Variants in AKAP9 observed in about 807,000 individuals in gnomAD.
The protein encoded by AKAP9 is A-kinase anchor protein 9.
AKAP9 carries 311 observed loss-of-function variants against 488.5 expected under a neutral mutation model. The ratio of observed to expected loss-of-function variants is 0.64; its 90% CI spans 0.58 to 0.70. AKAP9 has a LOEUF of 0.70. Among genes scored for constraint, AKAP9 ranks in the 30% least tolerant of loss-of-function variants. The pLI is 0.00. For synonymous variants in AKAP9, 1,462 were observed against 1,483.5 expected, an observed-to-expected ratio of 0.99 and a Z score of 0.33; for missense variants, 4,215 against 4,374.5, an observed-to-expected ratio of 0.96 and a Z score of 1.03.
chr7:92,082,735 T>G, intron 32 of AKAP9, 73 bp downstream of exon 32: 1 of 1,515,320 alleles, frequency 6.6e-7, no homozygotes, highest in Non-Finnish European at 9.1e-7. Flanking sequence ...TATATACTCT[T>G]TTATAACAAA....
Position 92,084,637 on chromosome 7 carries a change from T to C in AKAP9, c.8647-3T>C. 6.2e-7 allele frequency: 1 copy of C among 1,603,962 alleles called. No individual in the cohort carries two copies. The highest frequency in any genetic ancestry group is 8.5e-7 in the Non-Finnish European group (1 of 1,171,806). ...ATATGTACTTTTTGTTTTCTCTAAT[T>C]AGGGATCCTCAATTCCTGAGCTAGC... On this transcript the variant is annotated splice_polypyrimidine_tract_variant and splice_region_variant and intron_variant, in intron 33 of 49. Coordinates refer to ENST00000356239, the MANE Select transcript of AKAP9 (RefSeq NM_005751.5).
chr7:91,961,844 A>C (rs949647759), intron 1 of AKAP9, among the ~76,000 whole-genome samples: 1 of 147,672 alleles, frequency 6.8e-6, no homozygotes, highest in African/African-American at 2.5e-5. Context: ...ACTCCGTCTC[A>C]AAAAAAAAAA....
intron 12 of AKAP9, among the ~76,000 whole-genome samples, chr7:92,017,904 A>G (rs1801749209): frequency 6.6e-6 from 1 of 152,184 alleles, no homozygotes; most frequent in South Asian, 2.1e-4. Flanking sequence ...GATTTATATG[A>G]GTAGAATCTC....
intron 1 of AKAP9, among the ~76,000 whole-genome samples, chr7:91,961,605 G>C (rs1446469012): frequency 6.6e-6 from 1 of 152,008 alleles, no homozygotes; most frequent in Non-Finnish European, 1.5e-5. Flanking sequence ...AGCACTTTGG[G>C]AGGCCTAGGC....
intron 12 of AKAP9, among the ~76,000 whole-genome samples, chr7:92,018,949 T>G (rs2130721785): frequency 6.6e-6 from 1 of 152,242 alleles, no homozygotes; most frequent in East Asian, 1.9e-4. Flanking sequence ...CAGCTTCTCC[T>G]CTCATATCAG....
At chr7:91,995,869 G>T (rs1439912619) in intron 7 of AKAP9, 69 bp downstream of exon 7, 6 of 1,158,432 alleles carry the variant, frequency 5.2e-6, no homozygotes, top group Admixed American at 2.4e-5. Flanking sequence ...TATGCAAGTG[G>T]TTTTTTTTTG....
chr7:92,052,811 A>T lies in AKAP9; in HGVS notation c.5454A>T (p.Gly1818=). The change falls in exon 22 of 50, where the codon GGA becomes GGT. Residue 1818 remains glycine, a synonymous_variant. Coordinates refer to ENST00000356239, the MANE Select transcript of AKAP9 (RefSeq NM_005751.5). ...TGTGGTCAAAAGTAACTGAGGAAGG[A>T]ACAGAGCTGTCACAACGACTTGTGA... ...INMWSKVTEE[G]TELSQRLVRS... The T allele has an allele frequency of 6.2e-7, 1 of 1,613,904 alleles. No individual in the cohort carries two copies. Among genetic ancestry groups the T allele is most frequent in the Non-Finnish European group, 8.5e-7 (1 of 1,179,872 alleles).
At chr7:91,979,799 A>G (rs1422993217) in intron 2 of AKAP9, among the ~76,000 whole-genome samples, 2 of 152,218 alleles carry the variant, frequency 1.3e-5, no homozygotes, top group Non-Finnish European at 2.9e-5. Context: ...GGGACGATTC[A>G]TGTCCTGGAT....
intron 1 of AKAP9, among the ~76,000 whole-genome samples, chr7:91,973,231 A>C (rs1329291807): frequency 1.3e-5 from 2 of 152,142 alleles, no homozygotes; most frequent in East Asian, 1.9e-4. Context: ...ACAAGAATTA[A>C]ATTAGCCAGG....
At chr7:91,985,037 T>C (rs1796888416) in intron 3 of AKAP9, among the ~76,000 whole-genome samples, 1 of 152,230 alleles carries the variant, frequency 6.6e-6, no homozygotes, top group Admixed American at 6.5e-5. Context: ...GTTTTCTAAA[T>C]ATACAATCAT....
At chr7:92,085,750 ATAAAT>A (rs1266507099) in intron 36 of AKAP9, 64 bp downstream of exon 36, 7 of 1,169,590 alleles carry the variant, frequency 6.0e-6, no homozygotes, top group Admixed American at 2.4e-5. Flanking sequence ...ATAATACATT[ATAAAT>A]TAAATTATCT....
At position 92,038,440 on chromosome 7, in the gene AKAP9, G is replaced by A. The variant is rs760328706; in HGVS notation, c.4360G>A (p.Ala1454Thr). Reference sequence around the variant, plus strand: ...TTAGGTTATTGTGTCAATGAGTATAGCATTTGCTCAACAAACTGAACTGTC... The same window carrying A: ...TTAGGTTATTGTGTCAATGAGTATAACATTTGCTCAACAAACTGAACTGTC... ...VAKVIVSMSI[A>T]FAQQTELSRI... Residue 1454 changes from alanine to threonine, a missense_variant, in exon 17 of 50, where the codon GCA (alanine) becomes ACA (threonine). This residue lies in a region of AKAP9 where 2,361 missense variants were observed against 2,430.0 expected (regional missense o/e 0.97). Transcript: ENST00000356239. 1.1e-5 allele frequency: 17 copies of A among 1,613,140 alleles called. No individual in the cohort carries two copies. The highest frequency in any genetic ancestry group is 1.4e-5 in the Non-Finnish European group (17 of 1,179,324).
intron 2 of AKAP9, 57 bp downstream of exon 2, chr7:91,974,025 C>G: frequency 6.3e-7 from 1 of 1,595,238 alleles, no homozygotes; most frequent in Non-Finnish European, 8.6e-7. Context: ...GTAGTCATAA[C>G]AACAGTCATT....
intron 2 of AKAP9, among the ~76,000 whole-genome samples, chr7:91,976,170 A>G (rs1272675643): frequency 6.6e-6 from 1 of 151,290 alleles, no homozygotes; most frequent in African/African-American, 2.4e-5. Flanking sequence ...TGATACGTCC[A>G]CCTCAGCCTC....
chr7:92,010,855 G>C (rs977015895), intron 8 of AKAP9, among the ~76,000 whole-genome samples: 122 of 152,110 alleles, frequency 8.0e-4, no homozygotes, highest in African/African-American at 2.9e-3. Context: ...GGGTCTTTCT[G>C]TTGCCCAGGC....
In AKAP9 at chr7:92,082,621, A is replaced by C; in HGVS notation, c.8119A>C (p.Ser2707Arg). 1 of 1,614,064 alleles carries C rather than the reference A, an allele frequency of 6.2e-7. No individual in the cohort carries two copies. The highest frequency in any genetic ancestry group is 1.1e-5 in the South Asian group (1 of 91,084). ...AGTGGCTACCAAAGCAGAACTTGCC[A>C]GTTATAAAGAAAAGGCTGAAAAACT... ...ESVATKAELA[S>R]YKEKAEKLQE... The change falls in exon 32 of 50, where the codon AGT (serine) becomes CGT (arginine). Residue 2707 changes from serine to arginine, a missense_variant. Ser to Arg is a moderately radical substitution (Grantham distance 110, BLOSUM62 -1). Transcript: ENST00000356239.
In AKAP9 at chr7:91,940,937, A is replaced by G; in HGVS notation, c.-163A>G. On this transcript the variant is annotated 5_prime_UTR_variant, in exon 1 of 50. Coordinates refer to ENST00000356239, the MANE Select transcript of AKAP9 (RefSeq NM_005751.5). Reference sequence around the variant, plus strand: ...CCCGTGCGGCTGAGGACGATCCGCCAGTGAGCGCGGAGACTGCTTCCACTT... The same window carrying G: ...CCCGTGCGGCTGAGGACGATCCGCCGGTGAGCGCGGAGACTGCTTCCACTT... 2.6e-6 allele frequency: 2 copies of G among 755,928 alleles called. No individual in the cohort carries two copies. The highest frequency in any genetic ancestry group is 4.7e-6 in the Non-Finnish European group (2 of 429,774). The allele number at this position is 755,928 out of a possible 1,614,324, so 46.8% of individuals were successfully genotyped here.
In AKAP9 at chr7:92,022,988, G is replaced by C. The variant is rs144372406; in HGVS notation, c.4127G>C (p.Ser1376Thr). 6.4e-4 allele frequency: 1,029 copies of C among 1,614,024 alleles called. 2 individuals are homozygous for C. Among genetic ancestry groups the C allele is most frequent in the Non-Finnish European group, 8.1e-4 (951 of 1,179,892 alleles). ...HCLQKRLQAV[S>T]ESTVPPSLPV... ...TTACAGAAGAGGCTTCAAGCTGTTA[G>C]TGAGTCCACGGTTCCGCCAAGGTAT... Residue 1376 changes from serine to threonine, a missense_variant, in exon 14 of 50, where the codon AGT (serine) becomes ACT (threonine). Physicochemically the swap from Ser to Thr is moderately conservative, Grantham distance 58. Transcript: ENST00000356239.
chr7:92,054,527 A>G (rs1808462991), intron 22 of AKAP9, among the ~76,000 whole-genome samples: 4 of 152,036 alleles, frequency 2.6e-5, no homozygotes. Flanking sequence ...AGTAAAGTTT[A>G]CTTGGGAGTT....
Sources: allele counts gnomAD v4.1 joint callset (sites outside exome capture counted in the v4.1 genomes callset), GRCh38; gene constraint gnomAD v4.1.1; regional missense constraint gnomAD v4.1.1; transcripts MANE v1.5; gene names NCBI Gene and HGNC (gene_info 2026-07-23, HGNC 2026-07-21).